TOX3: variants seen among roughly 807,000 people sequenced by gnomAD.
The protein encoded by TOX3 is CAG trinucleotide repeat-containing gene F9 protein.
TOX3 carries 22 observed loss-of-function variants against 64.3 expected under a neutral mutation model. That is an observed-to-expected ratio of 0.34 (90% CI 0.24 to 0.49). The LOEUF (loss-of-function observed/expected upper bound fraction) is 0.49, where lower values mean the gene tolerates loss of function less well. Ranked by LOEUF, TOX3 falls within the 20% of genes least tolerant of loss-of-function variation. The probability of loss-of-function intolerance (pLI) is 0.99; values close to 1 mark genes in which losing one functional copy is unlikely to be tolerated. For missense variants in TOX3, 661 were observed against 714.4 expected, an observed-to-expected ratio of 0.93 and a Z score of 0.85; for synonymous variants, 291 against 273.6, an observed-to-expected ratio of 1.06 and a Z score of -0.63.
At chr16:52,457,350 A>AT (rs1960550369) in intron 3 of TOX3, among the ~76,000 whole-genome samples, 1 of 152,126 alleles carries the variant, frequency 6.6e-6, no homozygotes, top group Admixed American at 6.6e-5. Context: ...CATCATTAAA[A>AT]TTTTTTTAAA....
At chr16:52,444,523 A>ACACT (rs1230621549) in intron 5 of TOX3, 167 bp from the exon 6 acceptor site, 1 of 450,052 alleles carries the variant, frequency 2.2e-6, no homozygotes, top group East Asian at 3.3e-5. Flanking sequence ...ACACACACAC[A>ACACT]CACACACACA....
chr16:52,446,135 T>C lies in TOX3; in HGVS notation c.765A>G (p.Pro255=), dbSNP rs1960155204. 4 of 1,614,032 alleles carry C rather than the reference T, an allele frequency of 2.5e-6. No homozygotes were observed. The highest frequency in any genetic ancestry group is 3.4e-6 in the Non-Finnish European group (4 of 1,179,862). ...GGGCATATGCTGACACTGGCTTCTG[T>C]GGCTCATTGGGATCTTTCTTTTTCT... ...KKKKKKDPNE[P]QKPVSAYALF... is the part of the protein sequence containing the mutation. The change falls in exon 5 of 7, where the codon CCA becomes CCG. Residue 255 remains proline (P), a synonymous_variant. Transcript: ENST00000219746.
intron 1 of TOX3, among the ~76,000 whole-genome samples, chr16:52,524,708 T>C (rs563175645): frequency 7.1e-4 from 108 of 152,166 alleles, no homozygotes; most frequent in Non-Finnish European, 1.2e-3. Flanking sequence ...AATCGCAGCA[T>C]GGCCCTTGAA....
chr16:52,439,617 G>C lies in TOX3; in HGVS notation c.1339C>G (p.Gln447Glu). 6.2e-7 allele frequency: 1 copy of C among 1,612,512 alleles called. No individual in the cohort carries two copies. Among genetic ancestry groups the C allele is most frequent in the Non-Finnish European group, 8.5e-7 (1 of 1,178,910 alleles). The change falls in exon 7 of 7, where the codon CAG (glutamine) becomes GAG (glutamate). Residue 447 changes from glutamine (Q) to glutamate (E), a missense_variant. This residue lies in a region of TOX3 where 299 missense variants were observed against 292.1 expected (regional missense o/e 1.02). Coordinates refer to ENST00000219746, the MANE Select transcript of TOX3 (RefSeq NM_001080430.4). Reference sequence around the variant, plus strand: ...TGTTGTTGTTGCTGCTGCTGCTGCTGCTGCAATTGCATCTGATGCTGCTGG... The same window carrying C: ...TGTTGTTGTTGCTGCTGCTGCTGCTCCTGCAATTGCATCTGATGCTGCTGG... ...QTQQHQMQLQQQQQQQQQQMQ... is the reference protein window; with the variant it reads ...QTQQHQMQLQEQQQQQQQQMQ...
Position 52,436,697 on chromosome 16 carries a change from A to G in TOX3, c.*2528T>C, listed in dbSNP as rs938131585. 6.6e-6 allele frequency: 1 copy of G among 152,182 alleles called. No individual in the cohort carries two copies. Among genetic ancestry groups the G allele is most frequent in the South Asian group, 2.1e-4 (1 of 4,832 alleles). The allele number at this position is 152,182 out of a possible 1,614,324, so 9.4% of individuals were successfully genotyped here. ...CTTTTTTTTTCCTCTGGAATTGACCATCAGTGGCTTAGCAGCATTTAATCA... is the reference window on the plus strand; with the variant it reads ...CTTTTTTTTTCCTCTGGAATTGACCGTCAGTGGCTTAGCAGCATTTAATCA... On this transcript the variant is annotated 3_prime_UTR_variant, in exon 7 of 7. Transcript: ENST00000219746.
intron 1 of TOX3, among the ~76,000 whole-genome samples, chr16:52,525,169 G>A (rs1962702396): frequency 6.6e-6 from 1 of 152,108 alleles, no homozygotes. Flanking sequence ...GAACCTTTCT[G>A]ACGAATGCAA....
At chr16:52,530,722 C>T (rs1009924482) in intron 1 of TOX3, among the ~76,000 whole-genome samples, 2 of 151,818 alleles carry the variant, frequency 1.3e-5, no homozygotes, top group African/African-American at 4.8e-5. Flanking sequence ...GGTCTTTCTC[C>T]CTGATATAAG....
chr16:52,480,793 G>C (rs748420958), intron 1 of TOX3, among the ~76,000 whole-genome samples: 1 of 152,142 alleles, frequency 6.6e-6, no homozygotes, highest in African/African-American at 2.4e-5. Flanking sequence ...TCATGTTCAG[G>C]TGCCAAAAAC....
chr16:52,485,300 C>A (rs2151452686), intron 1 of TOX3, among the ~76,000 whole-genome samples: 1 of 143,698 alleles, frequency 7.0e-6, no homozygotes, highest in Admixed American at 7.0e-5. Flanking sequence ...ACTATGGAGT[C>A]ATAAAAAAAG....
At position 52,514,322 on chromosome 16, in the gene TOX3, T is replaced by G. The variant is rs145576786; in HGVS notation, c.87+32315A>C. On this transcript the variant is annotated intron_variant, in intron 1 of 6. Transcript: ENST00000219746. ...TATTGGGGCCTAAATAGACACTTTTTTGTTTCAATATTGCCCTTCTTCCCT... is the reference window on the plus strand; with the variant it reads ...TATTGGGGCCTAAATAGACACTTTTGTGTTTCAATATTGCCCTTCTTCCCT... Among the ~76,000 whole-genome samples the G allele has an allele frequency of 4.6e-4, 70 of 152,338 alleles. 1 individual carries two copies. The highest frequency in any genetic ancestry group is 1.6e-3 in the African/African-American group (67 of 41,580).
chr16:52,509,797 A>G (rs577390031), intron 1 of TOX3, among the ~76,000 whole-genome samples: 9 of 152,236 alleles, frequency 5.9e-5, no homozygotes, highest in Non-Finnish European at 8.8e-5. Context: ...ACAGGCTTAC[A>G]GCATACCAAC....
intron 3 of TOX3, among the ~76,000 whole-genome samples, chr16:52,451,289 G>T (rs1960337542): frequency 6.6e-6 from 1 of 152,084 alleles, no homozygotes; most frequent in African/African-American, 2.4e-5. Flanking sequence ...AATCCATCAT[G>T]ATTTAATGTA....
Position 52,546,948 on chromosome 16 carries a change from G to A in TOX3, c.-225C>T. On this transcript the variant is annotated 5_prime_UTR_variant, in exon 1 of 7. Coordinates refer to ENST00000219746, the MANE Select transcript of TOX3 (RefSeq NM_001080430.4). ...GCGGGAGAGCGGGAGGCGGCCGGGG[G>A]GACGCGCCCCGCCGGGGCACCGAGG... 2 of 993,322 alleles carry A rather than the reference G, an allele frequency of 2.0e-6. No homozygotes were observed. Among genetic ancestry groups the A allele is most frequent in the African/African-American group, 1.8e-5 (1 of 56,992 alleles). 61.5% of individuals were successfully genotyped at this position (993,322 alleles called of 1,614,324 possible).
chr16:52,471,826 T>C (rs1246141767), intron 1 of TOX3, among the ~76,000 whole-genome samples: 20 of 152,202 alleles, frequency 1.3e-4, no homozygotes. Flanking sequence ...CCCAGTAAGA[T>C]AATTATCATC....
At chr16:52,441,399 T>C (rs1485675235) in intron 6 of TOX3, among the ~76,000 whole-genome samples, 1 of 152,204 alleles carries the variant, frequency 6.6e-6, no homozygotes, top group Non-Finnish European at 1.5e-5. Flanking sequence ...GGGGAAAATG[T>C]TCAACTTCAT....
Position 52,464,132 on chromosome 16 carries a change from C to A in TOX3, c.210G>T (p.Thr70=). 3 of 1,579,616 alleles carry A rather than the reference C, an allele frequency of 1.9e-6. No individual in the cohort carries two copies. The highest frequency in any genetic ancestry group is 2.6e-6 in the Non-Finnish European group (3 of 1,162,260). ...GGGCAGGGTCTGACTCTGGAGGAGG[C>A]GTGATTGGTGGAATTTCGAATTCCT... is the stretch of plus-strand genomic sequence containing the variant. ...GDEEFEIPPI[T]PPPESDPALG... is the part of the protein sequence containing the mutation. Residue 70 remains threonine, a synonymous_variant, in exon 3 of 7, where the codon ACG becomes ACT. Coordinates refer to ENST00000219746, the MANE Select transcript of TOX3 (RefSeq NM_001080430.4).
At chr16:52,491,066 T>C (rs1961670995) in intron 1 of TOX3, among the ~76,000 whole-genome samples, 1 of 152,182 alleles carries the variant, frequency 6.6e-6, no homozygotes, top group South Asian at 2.1e-4. Flanking sequence ...CTTCCACAGT[T>C]ACCCACAGCC....
chr16:52,467,258 GA>G (rs527424985), intron 2 of TOX3, among the ~76,000 whole-genome samples: 10 of 151,144 alleles, frequency 6.6e-5, no homozygotes, highest in South Asian at 2.1e-4. Context: ...CAAATGTAGG[GA>G]AAAAAAAATC....
chr16:52,493,685 C>T (rs190046391), intron 1 of TOX3, among the ~76,000 whole-genome samples: 4 of 152,184 alleles, frequency 2.6e-5, no homozygotes, highest in South Asian at 2.1e-4. Context: ...TTAAAAACAC[C>T]GCCTAGTTTA....
Sources: gnomAD v4.1 joint callset for allele counts (sites outside exome capture counted in the v4.1 genomes callset) on GRCh38, gnomAD v4.1.1 for gene constraint, gnomAD v4.1.1 regional missense constraint, MANE v1.5 for transcripts, NCBI Gene and HGNC (gene_info 2026-07-23, HGNC 2026-07-21) for gene names.